The following SMPD3 variants were observed in gnomAD, a reference collection of about 807,000 sequenced individuals.
The protein encoded by SMPD3 is sphingomyelin phosphodiesterase 3.
SMPD3 carries 21 observed loss-of-function variants against 55.7 expected under a neutral mutation model. That is an observed-to-expected ratio of 0.38 (90% CI 0.27 to 0.54). SMPD3 has a LOEUF of 0.54. Among genes scored for constraint, SMPD3 ranks in the 20% least tolerant of loss-of-function variants. The probability of loss-of-function intolerance (pLI) is 0.80; values close to 1 mark genes in which losing one functional copy is unlikely to be tolerated. For missense variants in SMPD3, 842 were observed against 899.6 expected, an observed-to-expected ratio of 0.94 and a Z score of 0.82; for synonymous variants, 457 against 404.3, an observed-to-expected ratio of 1.13 and a Z score of -1.56.
In SMPD3 at chr16:68,364,843, T is replaced by G. The variant is rs765678011; in HGVS notation, c.1463A>C (p.Lys488Thr). ...GGCTGCGCTGGACGAGGAGGTAGAT[T>G]TTCGGAAATCAGCCAGCCAGTCCTG... is the stretch of plus-strand genomic sequence containing the variant. ...LLQDWLADFR[K>T]STSSSSAANP... Residue 488 changes from lysine (K) to threonine (T), a missense_variant, in exon 5 of 9, where the codon AAA (lysine) becomes ACA (threonine). Physicochemically the swap from Lys to Thr is moderately conservative, Grantham distance 78. Coordinates refer to ENST00000219334, the MANE Select transcript of SMPD3 (RefSeq NM_018667.4). 1.2e-6 allele frequency: 2 copies of G among 1,613,802 alleles called. No individual in the cohort carries two copies. The highest frequency in any genetic ancestry group is 4.5e-5 in the East Asian group (2 of 44,872).
chr16:68,438,295 T>A (rs2090539738), intron 1 of SMPD3, among the ~76,000 whole-genome samples: 1 of 152,208 alleles, frequency 6.6e-6, no homozygotes, highest in South Asian at 2.1e-4. Context: ...CCTGCTACCC[T>A]TCTCCTGCCC....
chr16:68,420,651 A>G (rs2090386128), intron 1 of SMPD3, among the ~76,000 whole-genome samples: 1 of 152,076 alleles, frequency 6.6e-6, no homozygotes, highest in African/African-American at 2.4e-5. Flanking sequence ...GATCAGGACT[A>G]CTCTTCAAAA....
intron 1 of SMPD3, among the ~76,000 whole-genome samples, chr16:68,439,539 T>C (rs1211857529): frequency 6.6e-6 from 1 of 152,222 alleles, no homozygotes; most frequent in African/African-American, 2.4e-5. Context: ...GAGGTGAGCC[T>C]CCTTCCACCT....
Position 68,378,620 on chromosome 16 carries a change from G to A in SMPD3, c.-206-6233C>T, listed in dbSNP as rs547795721. Among the ~76,000 whole-genome samples, 31 of 150,658 alleles carry A rather than the reference G, an allele frequency of 2.1e-4. No homozygotes were observed. In the South Asian group the frequency reaches 5.7e-3, roughly 28 times the overall value. On this transcript the variant is annotated intron_variant, in intron 2 of 8. Coordinates refer to ENST00000219334, the MANE Select transcript of SMPD3 (RefSeq NM_018667.4). ...TAATCAGGCACGTGTCTGTTTGCAC[G>A]TCCTGGATGGAGCTCCAAGTCTCGG...
intron 1 of SMPD3, among the ~76,000 whole-genome samples, chr16:68,436,429 C>T (rs902395665): frequency 6.6e-5 from 10 of 152,234 alleles, no homozygotes; most frequent in African/African-American, 2.2e-4. Flanking sequence ...GCTCTCTGCT[C>T]CTCCTTCCAT....
intron 1 of SMPD3, among the ~76,000 whole-genome samples, chr16:68,420,808 G>A (rs1253035598): frequency 6.6e-6 from 1 of 152,202 alleles, no homozygotes; most frequent in Non-Finnish European, 1.5e-5. Context: ...AGAGCACTTT[G>A]TAAGCATTAA....
At chr16:68,405,360 G>A (rs2090245003) in intron 1 of SMPD3, among the ~76,000 whole-genome samples, 1 of 151,838 alleles carries the variant, frequency 6.6e-6, no homozygotes, top group Admixed American at 6.6e-5. Flanking sequence ...AGACCAGCCT[G>A]GGCAACATGG....
chr16:68,438,058 C>A (rs186391412), intron 1 of SMPD3, among the ~76,000 whole-genome samples: 27 of 152,234 alleles, frequency 1.8e-4, no homozygotes, highest in Non-Finnish European at 3.7e-4. Flanking sequence ...CCAGCAGCCA[C>A]CCTGGGAGGC....
chr16:68,409,405 A>G (rs1453369778), intron 1 of SMPD3, among the ~76,000 whole-genome samples: 1 of 152,182 alleles, frequency 6.6e-6, no homozygotes, highest in Non-Finnish European at 1.5e-5. Flanking sequence ...TGTTGTGGGC[A>G]GCAGCTCTAA....
chr16:68,411,322 G>C (rs888888587), intron 1 of SMPD3, among the ~76,000 whole-genome samples: 9 of 152,206 alleles, frequency 5.9e-5, no homozygotes, highest in Admixed American at 2.6e-4. Flanking sequence ...GGGAGCTCCA[G>C]GTGTGGCGGC....
chr16:68,395,753 C>T (rs1421497296), intron 1 of SMPD3, among the ~76,000 whole-genome samples: 1 of 152,182 alleles, frequency 6.6e-6, no homozygotes. Flanking sequence ...CATTCCTATA[C>T]ATGAGAGACT....
At chr16:68,381,707 G>C (rs766482385) in intron 2 of SMPD3, among the ~76,000 whole-genome samples, 33 of 152,318 alleles carry the variant, frequency 2.2e-4, no homozygotes, top group South Asian at 4.1e-4. Context: ...CCAGGGTGAA[G>C]AGACATGGAG....
In SMPD3 at chr16:68,422,261, C is replaced by A. The variant is rs148156420; in HGVS notation, c.-269+26092G>T. Among the ~76,000 whole-genome samples the A allele has an allele frequency of 3.3e-5, 5 of 152,256 alleles. No individual in the cohort carries two copies. In the East Asian group the frequency reaches 9.6e-4, roughly 29 times the overall value. Reference sequence around the variant, plus strand: ...GCATCACCAAACTACAGCAGAAATCCTCAGAAGGAGGTGGAATTTATCCTA... The same window carrying A: ...GCATCACCAAACTACAGCAGAAATCATCAGAAGGAGGTGGAATTTATCCTA... On this transcript the variant is annotated intron_variant, in intron 1 of 8. Coordinates refer to ENST00000219334, the MANE Select transcript of SMPD3 (RefSeq NM_018667.4).
chr16:68,363,645 C>A, intron 6 of SMPD3, 86 bp from the exon 7 acceptor site: 1 of 1,463,246 alleles, frequency 6.8e-7, no homozygotes, highest in South Asian at 1.2e-5. Context: ...TGGACACGGG[C>A]TTCTGCTAGC....
intron 1 of SMPD3, among the ~76,000 whole-genome samples, chr16:68,394,035 T>C (rs1186025342): frequency 6.6e-6 from 1 of 152,248 alleles, no homozygotes; most frequent in African/African-American, 2.4e-5. Flanking sequence ...TTGGATAATT[T>C]ATAATTCAAA....
chr16:68,368,056 A>G (rs1359412876), intron 3 of SMPD3: 1 of 152,282 alleles, frequency 6.6e-6, no homozygotes, highest in African/African-American at 2.4e-5. Context: ...CCTGTCCCCA[A>G]GGCAGCCCCA....
intron 1 of SMPD3, among the ~76,000 whole-genome samples, chr16:68,418,653 A>T (rs559430790): frequency 1.3e-5 from 2 of 152,262 alleles, no homozygotes; most frequent in East Asian, 1.9e-4. Flanking sequence ...CTACACTAGC[A>T]CCCCATATAC....
At chr16:68,381,169 C>A (rs2089942842) in intron 2 of SMPD3, among the ~76,000 whole-genome samples, 1 of 152,180 alleles carries the variant, frequency 6.6e-6, no homozygotes, top group Non-Finnish European at 1.5e-5. Flanking sequence ...TGGGGCAAGG[C>A]CTCACTGCTG....
chr16:68,364,080 G>T (rs763912846), intron 5 of SMPD3, among the ~76,000 whole-genome samples: 1 of 152,140 alleles, frequency 6.6e-6, no homozygotes, highest in Non-Finnish European at 1.5e-5. Context: ...CCCAGCACAC[G>T]CCCTGATCTT....
Sources: allele counts gnomAD v4.1 joint callset (sites outside exome capture counted in the v4.1 genomes callset), GRCh38; gene constraint gnomAD v4.1.1; transcripts MANE v1.5; gene names NCBI Gene and HGNC (gene_info 2026-07-23, HGNC 2026-07-21).